BRINP3: variants seen among roughly 807,000 people sequenced by gnomAD.
BRINP3 encodes the protein BMP/retinoic acid inducible neural specific 3.
In BRINP3, 19 loss-of-function variants were observed where a neutral mutation model predicts 71.0. That is an observed-to-expected ratio of 0.27 (90% CI 0.19 to 0.39). The LOEUF is 0.39. BRINP3 is among the 10% of genes least tolerant of loss of function. The pLI is 1.00. For missense variants in BRINP3, 959 were observed against 940.8 expected (o/e 1.02, Z -0.25); for synonymous variants, 380 against 337.7 (o/e 1.13, Z -1.37).
At chr1:190,358,398 G>A (rs914559652) in intron 2 of BRINP3, among the ~76,000 whole-genome samples, 8 of 152,134 alleles carry the variant, frequency 5.3e-5, no homozygotes, top group African/African-American at 9.7e-5. Context: ...GCAGCCAACA[G>A]ACACATGAAA....
intron 7 of BRINP3, among the ~76,000 whole-genome samples, chr1:190,131,409 A>T (rs1654533887): frequency 6.6e-6 from 1 of 152,014 alleles, no homozygotes; most frequent in African/African-American, 2.4e-5. Flanking sequence ...TACTGCAGCT[A>T]TCCTAACATG....
At chr1:190,226,031 A>G (rs1286875112) in intron 6 of BRINP3, 51 bp downstream of exon 6, 1 of 1,191,612 alleles carries the variant, frequency 8.4e-7, no homozygotes, top group Non-Finnish European at 1.2e-6. Context: ...AGCCATTTCA[A>G]TATATTTTTT....
At chr1:190,222,450 A>T (rs531342725) in intron 6 of BRINP3, among the ~76,000 whole-genome samples, 2 of 152,072 alleles carry the variant, frequency 1.3e-5, no homozygotes, top group South Asian at 4.1e-4. Context: ...AAATTAAAAG[A>T]GTATAAAGAC....
At position 190,351,820 on chromosome 1, in the gene BRINP3, A is replaced by G. The variant is rs1035512505; in HGVS notation, c.237-70070T>C. On this transcript the variant is annotated intron_variant, in intron 2 of 7. Coordinates refer to ENST00000367462, the MANE Select transcript of BRINP3 (RefSeq NM_199051.3). ...ATACTTCTGTGCTTATCCAATTTTC[A>G]CCATTTCTAAGATGAACAAATCAGT... 3.3e-5 allele frequency among the ~76,000 whole-genome samples: 5 copies of G among 152,106 alleles called. No homozygotes were observed. The East Asian group carries it at 9.6e-4, about 29-fold the overall frequency.
intron 2 of BRINP3, chr1:190,302,801 G>C (rs944020660): frequency 1.3e-5 from 2 of 151,702 alleles, no homozygotes; most frequent in African/African-American, 2.4e-5. Flanking sequence ...GGTAAGTGCT[G>C]TATATATTTA....
intron 2 of BRINP3, among the ~76,000 whole-genome samples, chr1:190,295,270 T>A (rs1664163945): frequency 6.6e-6 from 1 of 152,072 alleles, no homozygotes; most frequent in Non-Finnish European, 1.5e-5. Context: ...GCCAAGCAGC[T>A]CACTTGGTTC....
At chr1:190,135,637 T>C (rs2102368066) in intron 7 of BRINP3, among the ~76,000 whole-genome samples, 1 of 152,236 alleles carries the variant, frequency 6.6e-6, no homozygotes, top group Non-Finnish European at 1.5e-5. Context: ...GATACTTGCA[T>C]GTGACTCCCT....
At chr1:190,452,361 T>C (rs918336159) in intron 2 of BRINP3, among the ~76,000 whole-genome samples, 10 of 152,168 alleles carry the variant, frequency 6.6e-5, no homozygotes, top group African/African-American at 2.4e-4. Flanking sequence ...TTTAATATCT[T>C]TACATGTTTA....
intron 7 of BRINP3, among the ~76,000 whole-genome samples, chr1:190,151,624 A>G (rs1282783975): frequency 6.6e-6 from 1 of 152,192 alleles, no homozygotes; most frequent in Non-Finnish European, 1.5e-5. Flanking sequence ...AATATGTCCT[A>G]GTAAATGAAT....
chr1:190,235,892 C>G (rs1374270816), intron 4 of BRINP3, among the ~76,000 whole-genome samples: 1 of 151,916 alleles, frequency 6.6e-6, no homozygotes, highest in Non-Finnish European at 1.5e-5. Context: ...GTTATGATTA[C>G]TGTTGACACC....
intron 7 of BRINP3, among the ~76,000 whole-genome samples, chr1:190,151,353 G>A (rs1359122119): frequency 6.6e-5 from 10 of 152,108 alleles, no homozygotes; most frequent in African/African-American, 1.9e-4. Flanking sequence ...AACATTGTAA[G>A]ATCTGGAGAA....
intron 2 of BRINP3, among the ~76,000 whole-genome samples, chr1:190,297,157 A>T (rs1275871163): frequency 1.3e-5 from 2 of 152,104 alleles, no homozygotes; most frequent in Non-Finnish European, 2.9e-5. Flanking sequence ...TTCAAACTAC[A>T]TTACAAAGTT....
At chr1:190,157,642 G>A (rs1289511454) in intron 7 of BRINP3, among the ~76,000 whole-genome samples, 1 of 151,856 alleles carries the variant, frequency 6.6e-6, no homozygotes, top group Non-Finnish European at 1.5e-5. Flanking sequence ...TAAAGCATAA[G>A]GCTCATTATA....
intron 2 of BRINP3, among the ~76,000 whole-genome samples, chr1:190,345,548 T>C: frequency 6.6e-6 from 1 of 151,430 alleles, no homozygotes; most frequent in East Asian, 1.9e-4. Flanking sequence ...TGAATTAAAA[T>C]AGAAAATGTT....
chr1:190,171,299 T>C (rs1651989150), intron 6 of BRINP3, among the ~76,000 whole-genome samples: 1 of 152,176 alleles, frequency 6.6e-6, no homozygotes. Flanking sequence ...AACAGTATGT[T>C]GATCAACATC....
At chr1:190,112,238 A>T (rs1027707350) in intron 7 of BRINP3, among the ~76,000 whole-genome samples, 2 of 152,208 alleles carry the variant, frequency 1.3e-5, no homozygotes, top group Non-Finnish European at 2.9e-5. Flanking sequence ...TAAAACCTGG[A>T]GGCATGTAAA....
chr1:190,342,426 C>G (rs1400261051), intron 2 of BRINP3: 2 of 149,926 alleles, frequency 1.3e-5, no homozygotes, highest in African/African-American at 4.9e-5. Flanking sequence ...TGTTTTTCCA[C>G]AGGCCCATTT....
chr1:190,456,840 A>G (rs908627382), intron 1 of BRINP3, among the ~76,000 whole-genome samples: 3 of 152,078 alleles, frequency 2.0e-5, no homozygotes, highest in Admixed American at 6.5e-5. Context: ...TATTCAAACC[A>G]CTACTCAAGT....
chr1:190,255,505 T>C (rs185156219), intron 4 of BRINP3, among the ~76,000 whole-genome samples: 289 of 152,288 alleles, frequency 1.9e-3, no homozygotes, highest in African/African-American at 6.7e-3. Flanking sequence ...CCTGGTTTAG[T>C]CTTGGGAGGG....
Sources: gnomAD v4.1 joint callset for allele counts (sites outside exome capture counted in the v4.1 genomes callset) on GRCh38, gnomAD v4.1.1 for gene constraint, MANE v1.5 for transcripts, NCBI Gene and HGNC (gene_info 2026-07-23, HGNC 2026-07-21) for gene names.